Variants in ZMAT4 observed in about 807,000 individuals in gnomAD.
ZMAT4 encodes zinc finger matrin-type protein 4.
ZMAT4 carries 17 observed loss-of-function variants against 28.7 expected under a neutral mutation model. The observed-to-expected ratio is 0.59, with a 90% CI of 0.41 to 0.89. The LOEUF (loss-of-function observed/expected upper bound fraction) is 0.89, where lower values mean the gene tolerates loss of function less well. ZMAT4 is among the 40% of genes least tolerant of loss of function. The pLI, the probability that ZMAT4 is intolerant of heterozygous loss-of-function variation, is 0.00. For missense variants in ZMAT4, 240 were observed against 283.8 expected (o/e 0.85, Z 1.11); for synonymous variants, 117 against 109.2 (o/e 1.07, Z -0.44).
chr8:40,791,944 C>A (rs1007729298), intron 2 of ZMAT4, among the ~76,000 whole-genome samples: 4 of 152,126 alleles, frequency 2.6e-5, no homozygotes, highest in African/African-American at 9.7e-5. Context: ...AACTCCATGT[C>A]CGGGTGGGTT....
chr8:40,551,729 T>C (rs1803374858), intron 6 of ZMAT4, among the ~76,000 whole-genome samples: 1 of 152,186 alleles, frequency 6.6e-6, no homozygotes, highest in Non-Finnish European at 1.5e-5. Flanking sequence ...CTAATACTAG[T>C]CTCTCACTTA....
At chr8:40,850,283 C>T (rs946978214) in intron 1 of ZMAT4, among the ~76,000 whole-genome samples, 1 of 152,158 alleles carries the variant, frequency 6.6e-6, no homozygotes, top group Non-Finnish European at 1.5e-5. Context: ...ACCCAATCTG[C>T]ACCCTGCTAG....
chr8:40,888,460 T>C (rs1426841555), intron 1 of ZMAT4: 3 of 152,338 alleles, frequency 2.0e-5, no homozygotes, highest in African/African-American at 7.2e-5. Context: ...CAAACAGCCA[T>C]GCAGCCTACA....
intron 1 of ZMAT4, among the ~76,000 whole-genome samples, chr8:40,833,245 A>G (rs1252858557): frequency 6.6e-6 from 1 of 152,156 alleles, no homozygotes; most frequent in African/African-American, 2.4e-5. Context: ...AGAGGGGAAA[A>G]AAAAACAGAA....
chr8:40,762,200 G>C (rs1812970512), intron 3 of ZMAT4, among the ~76,000 whole-genome samples: 1 of 152,158 alleles, frequency 6.6e-6, no homozygotes, highest in South Asian at 2.1e-4. Context: ...AGTGAATAAT[G>C]TCCCCCTCCA....
intron 6 of ZMAT4, among the ~76,000 whole-genome samples, chr8:40,534,266 C>G (rs1585651522): frequency 6.6e-6 from 1 of 152,094 alleles, no homozygotes; most frequent in East Asian, 1.9e-4. Context: ...TCATCCATTA[C>G]TGTTATTTTT....
intron 3 of ZMAT4, among the ~76,000 whole-genome samples, chr8:40,719,300 A>G (rs1810981579): frequency 6.6e-6 from 1 of 152,022 alleles, no homozygotes; most frequent in South Asian, 2.1e-4. Flanking sequence ...AAAATTACCC[A>G]GGCGTGGTGG....
At chr8:40,534,469 A>G (rs1166944278) in intron 6 of ZMAT4, among the ~76,000 whole-genome samples, 1 of 151,940 alleles carries the variant, frequency 6.6e-6, no homozygotes, top group Non-Finnish European at 1.5e-5. Flanking sequence ...AGGCATAGGG[A>G]AAAAAATTCA....
chr8:40,599,367 T>C (rs1473909567), intron 5 of ZMAT4, among the ~76,000 whole-genome samples: 3 of 151,788 alleles, frequency 2.0e-5, no homozygotes, highest in African/African-American at 7.3e-5. Context: ...CATACATATG[T>C]ATACACAGCA....
intron 1 of ZMAT4, among the ~76,000 whole-genome samples, chr8:40,875,388 G>A (rs570039654): frequency 1.3e-5 from 2 of 152,204 alleles, no homozygotes; most frequent in South Asian, 2.1e-4. Flanking sequence ...GACAACAGAC[G>A]AGCTGATAAG....
chr8:40,598,683 A>C (rs1805188180), intron 5 of ZMAT4, among the ~76,000 whole-genome samples: 1 of 152,162 alleles, frequency 6.6e-6, no homozygotes, highest in South Asian at 2.1e-4. Flanking sequence ...TACGTTGCAC[A>C]ATGTATATTT....
intron 5 of ZMAT4, among the ~76,000 whole-genome samples, chr8:40,589,991 T>TCCTA (rs1804832185): frequency 9.2e-6 from 1 of 108,290 alleles, no homozygotes; most frequent in Non-Finnish European, 1.9e-5. Context: ...CTTCCTTCCT[T>TCCTA]CCTTCCTTCC....
At chr8:40,816,004 C>T (rs1815519356) in intron 2 of ZMAT4, among the ~76,000 whole-genome samples, 1 of 152,086 alleles carries the variant, frequency 6.6e-6, no homozygotes, top group African/African-American at 2.4e-5. Context: ...ACCCCAGCAT[C>T]CCCAGTGCAG....
intron 6 of ZMAT4, among the ~76,000 whole-genome samples, chr8:40,565,165 G>T (rs1344392100): frequency 2.0e-5 from 3 of 152,004 alleles, no homozygotes; most frequent in Non-Finnish European, 4.4e-5. Flanking sequence ...TTAAACCCTG[G>T]TTTCTTCCCT....
intron 5 of ZMAT4, among the ~76,000 whole-genome samples, chr8:40,603,897 A>G (rs1338733333): frequency 6.6e-6 from 1 of 152,102 alleles, no homozygotes; most frequent in East Asian, 1.9e-4. Flanking sequence ...CTCAATCAGC[A>G]GTGTTTTGTA....
intron 3 of ZMAT4, among the ~76,000 whole-genome samples, chr8:40,757,280 T>C (rs1812737122): frequency 6.6e-6 from 1 of 152,124 alleles, no homozygotes; most frequent in Non-Finnish European, 1.5e-5. Context: ...CCAGTACTGA[T>C]GGGAGGTTAC....
intron 1 of ZMAT4, among the ~76,000 whole-genome samples, chr8:40,894,681 G>GTATTT (rs1818808455): frequency 1.3e-5 from 2 of 152,024 alleles, no homozygotes; most frequent in Non-Finnish European, 2.9e-5. Flanking sequence ...GAAATAGCGT[G>GTATTT]CTCCAACCTC....
intron 3 of ZMAT4, among the ~76,000 whole-genome samples, chr8:40,743,015 C>T (rs1812078617): frequency 6.6e-6 from 1 of 151,854 alleles, no homozygotes; most frequent in Non-Finnish European, 1.5e-5. Context: ...AGTTCAAGAC[C>T]AGCCTGGCCA....
intron 5 of ZMAT4, among the ~76,000 whole-genome samples, chr8:40,650,040 T>A (rs1014772278): frequency 2.6e-5 from 4 of 151,572 alleles, no homozygotes; most frequent in Non-Finnish European, 5.9e-5. Flanking sequence ...GCAAACACGT[T>A]CAAAAGCTAG....
Sources: allele counts gnomAD v4.1 joint callset (sites outside exome capture counted in the v4.1 genomes callset), GRCh38; gene constraint gnomAD v4.1.1; transcripts MANE v1.5; gene names NCBI Gene and HGNC (gene_info 2026-07-23, HGNC 2026-07-21).